MDM2: variants seen among roughly 807,000 people sequenced by gnomAD.
The protein encoded by MDM2 is MDM2 proto-oncogene.
MDM2 carries 11 observed loss-of-function variants against 64.3 expected under a neutral mutation model. The ratio of observed to expected loss-of-function variants is 0.17; its 90% CI spans 0.11 to 0.28. The LOEUF is 0.28. Ranked by LOEUF, MDM2 falls within the 10% of genes least tolerant of loss-of-function variation. MDM2 has a pLI of 1.00. For synonymous variants in MDM2, 194 were observed against 192.9 expected (o/e 1.01, Z -0.05); for missense variants, 388 against 577.1 (o/e 0.67, Z 3.36).
In MDM2 at chr12:68,839,646, A is replaced by T. The variant is rs1445090126; in HGVS notation, c.1291A>T (p.Ser431Cys). The change falls in exon 11 of 11, where the codon AGT becomes TGT. Residue 431 changes from serine (S) to cysteine (C), a missense_variant. This residue lies in a region of MDM2 where 138 missense variants were observed against 143.7 expected (regional missense o/e 0.96). Coordinates refer to ENST00000258149, the MANE Select transcript of MDM2 (RefSeq NM_002392.6). ...EREETQDKEE[S>C]VESSLPLNAI... The stretch of plus-strand genomic sequence containing the variant: ...GGAAGAAACCCAAGACAAAGAAGAG[A>T]GTGTGGAATCTAGTTTGCCCCTTAA... 2.5e-6 allele frequency: 4 copies of T among 1,613,808 alleles called. No homozygotes were observed. The highest frequency in any genetic ancestry group is 1.7e-5 in the Admixed American group (1 of 59,916).
At chr12:68,831,790 G>T (rs1033331763) in intron 8 of MDM2, among the ~76,000 whole-genome samples, 1 of 152,046 alleles carries the variant, frequency 6.6e-6, no homozygotes, top group South Asian at 2.1e-4. Context: ...AATCTCAGCC[G>T]GGCGTGGTGG....
In MDM2 at chr12:68,833,149, A is replaced by AATATATATAT. The variant is rs57734852; in HGVS notation, c.685-2671_685-2662dup. 8.9e-4 allele frequency among the ~76,000 whole-genome samples: 59 copies of AATATATATAT among 65,962 alleles called. 1 individual carries two copies. Among genetic ancestry groups the AATATATATAT allele is most frequent in the African/African-American group, 3.6e-3 (58 of 16,324 alleles). The allele number at this position is 65,962 out of a possible 152,430, so 43.3% of individuals were successfully genotyped here. On this transcript the variant is annotated intron_variant, in intron 8 of 10. Transcript: ENST00000258149. ...TCCAAAAAAAAAAAAAAAAAAAAAA[A>AATATATATAT]ATATATATATATATATATTTATATT...
rs55917837 is a variant in MDM2, at chr12:68,824,663, T to C, written c.523+12T>C. On this transcript the variant is annotated intron_variant, in intron 7 of 10. Coordinates refer to ENST00000258149, the MANE Select transcript of MDM2 (RefSeq NM_002392.6). ...AATTAGTGAGACAGGTATATATGAA[T>C]ATTTATTTGACGCATTCACACAGCT... The C allele has an allele frequency of 2.9e-5, 43 of 1,500,594 alleles. No homozygotes were observed. Among genetic ancestry groups the C allele is most frequent in the Non-Finnish European group, 4.0e-5 (43 of 1,087,056 alleles). The allele number at this position is 1,500,594 out of a possible 1,614,324, so 93.0% of individuals were successfully genotyped here.
chr12:68,834,773 G>A (rs1883173708), intron 8 of MDM2, among the ~76,000 whole-genome samples: 1 of 152,058 alleles, frequency 6.6e-6, no homozygotes, highest in South Asian at 2.1e-4. Flanking sequence ...GTTGTTTAAG[G>A]TTAAATTAGC....
rs556130361 is a variant in MDM2 at position 68,842,718 on chromosome 12, A to T, written c.*2869A>T. 5.1e-6 allele frequency: 1 copy of T among 196,634 alleles called. No individual in the cohort carries two copies. The highest frequency in any genetic ancestry group is 8.0e-5 in the East Asian group (1 of 12,430). 12.2% of individuals were successfully genotyped at this position (196,634 alleles called of 1,614,324 possible). ...ATATATAAAGTAAAATTTTCTTTGC[A>T]GTAAAATATGCCCTTTATTATAGAA... On this transcript the variant is annotated 3_prime_UTR_variant, in exon 11 of 11. Coordinates refer to ENST00000258149, the MANE Select transcript of MDM2 (RefSeq NM_002392.6).
intron 4 of MDM2, 99 bp downstream of exon 4, chr12:68,817,044 CAT>C (rs1324142431): frequency 5.0e-6 from 7 of 1,396,606 alleles, no homozygotes; most frequent in Non-Finnish European, 6.8e-6. Flanking sequence ...ACTGTTGAAA[CAT>C]ATTAAAGACA....
chr12:68,837,169 G>A (rs150085442), intron 10 of MDM2, among the ~76,000 whole-genome samples: 1 of 151,946 alleles, frequency 6.6e-6, no homozygotes, highest in East Asian at 1.9e-4. Context: ...GGCCAGGCTG[G>A]TCATGAACTC....
At position 68,843,475 on chromosome 12, in the gene MDM2, AAT is replaced by A. The variant is rs2136189054; in HGVS notation, c.*3630_*3631del. ...TATGTATTTAACATTTAAAATTTCT[AAT>A]ATAAGTATCTCTCAAACTGTGGATT... is the stretch of plus-strand genomic sequence containing the variant. On this transcript the variant is annotated 3_prime_UTR_variant, in exon 11 of 11. Coordinates refer to ENST00000258149, the MANE Select transcript of MDM2 (RefSeq NM_002392.6). The A allele has an allele frequency of 1.3e-5, 3 of 227,004 alleles. No individual in the cohort carries two copies. The highest frequency in any genetic ancestry group is 2.6e-5 in the Non-Finnish European group (3 of 114,540). 14.1% of individuals were successfully genotyped at this position (227,004 alleles called of 1,614,324 possible).
rs1565730659 is a variant in MDM2, at chr12:68,809,299, AT to A, written c.99+12del. 3.1e-6 allele frequency: 5 copies of A among 1,612,204 alleles called. No individual in the cohort carries two copies. Among genetic ancestry groups the A allele is most frequent in the Admixed American group, 3.3e-5 (2 of 59,880 alleles). On this transcript the variant is annotated splice_region_variant and intron_variant, in intron 2 of 10. Coordinates refer to ENST00000258149, the MANE Select transcript of MDM2 (RefSeq NM_002392.6). The stretch of plus-strand genomic sequence containing the variant: ...TTCGGAACAAGAGACCCTGGTTAGT[AT>A]TTTTGTCTCGTGTAACTTTTAAGAA...
downstream of MDM2, chr12:68,850,085 G>C (rs564607016): frequency 2.0e-5 from 3 of 152,212 alleles, no homozygotes; most frequent in East Asian, 5.8e-4. Context: ...AGGAATTCAA[G>C]ACCAACCTGG....
chr12:68,813,554 G>A lies in MDM2; in HGVS notation c.100G>A (p.Val34Ile), dbSNP rs1470334779. 2.5e-6 allele frequency: 4 copies of A among 1,611,460 alleles called. No homozygotes were observed. The highest frequency in any genetic ancestry group is 2.7e-5 in the African/African-American group (2 of 74,820). ...AATAGCAGTTCTTTTCTCTTTATAG[G>A]TTAGACCAAAGCCATTGCTTTTGAA... ...QIPASEQETLVRPKPLLLKLL... is the reference protein window; with the variant it reads ...QIPASEQETLIRPKPLLLKLL... The change falls in exon 3 of 11, where the codon GTT (valine) becomes ATT (isoleucine). Residue 34 changes from valine (V) to isoleucine (I), a missense_variant and splice_region_variant. Val to Ile is a conservative substitution (Grantham distance 29). Around this residue, in one of 5 missense-constraint regions of MDM2, gnomAD observed 46 missense variants for 45.2 expected, o/e 1.02. Coordinates refer to ENST00000258149, the MANE Select transcript of MDM2 (RefSeq NM_002392.6).
At chr12:68,836,485 C>T in intron 9 of MDM2, 187 bp from the exon 10 acceptor site, 4 of 476,140 alleles carry the variant, frequency 8.4e-6, no homozygotes, top group Admixed American at 3.6e-5. Context: ...TGACTTTTAC[C>T]ATTGTGGGTA....
At chr12:68,848,177 T>C (rs1365906541), downstream of MDM2, 2 of 152,046 alleles carry the variant, frequency 1.3e-5, no homozygotes, top group African/African-American at 4.8e-5. Context: ...ATCTCACTGA[T>C]TGTGATTTTT....
At chr12:68,848,343 T>G (rs1884472058), downstream of MDM2, 1 of 152,230 alleles carries the variant, frequency 6.6e-6, no homozygotes, top group Non-Finnish European at 1.5e-5. Context: ...TTTTTCATTT[T>G]TAGTGGAGAT....
Position 68,816,963 on chromosome 12 carries a change from T to C in MDM2, c.308+18T>C. On this transcript the variant is annotated intron_variant, in intron 4 of 10. Coordinates refer to ENST00000258149, the MANE Select transcript of MDM2 (RefSeq NM_002392.6). ...GAGCACAGGTAATTCTTCAGTTTAGTCCATTGTAAAAAGCCATCTGGGCTA... is the reference window on the plus strand; with the variant it reads ...GAGCACAGGTAATTCTTCAGTTTAGCCCATTGTAAAAAGCCATCTGGGCTA... 1 of 1,608,542 alleles carries C rather than the reference T, an allele frequency of 6.2e-7. No individual in the cohort carries two copies. The highest frequency in any genetic ancestry group is 1.1e-5 in the South Asian group (1 of 89,316).
chr12:68,846,115 C>G (rs1194288374), downstream of MDM2: 2 of 151,768 alleles, frequency 1.3e-5, no homozygotes, highest in Non-Finnish European at 2.9e-5. Context: ...CCACACCTGG[C>G]TAATTTTTTT....
chr12:68,821,686 C>T (rs916665129), intron 5 of MDM2, among the ~76,000 whole-genome samples: 1 of 152,064 alleles, frequency 6.6e-6, no homozygotes, highest in African/African-American at 2.4e-5. Context: ...TCATGCCATC[C>T]AGTCCAGGTG....
chr12:68,821,596 G>T (rs373920968), intron 5 of MDM2, among the ~76,000 whole-genome samples: 2 of 152,162 alleles, frequency 1.3e-5, no homozygotes, highest in East Asian at 1.9e-4. Context: ...AGTGGTGCAT[G>T]CCTGTAGTCC....
In MDM2 at chr12:68,837,893, GC is replaced by G. The variant is rs1883438276; in HGVS notation, c.918+1145del. Among the ~76,000 whole-genome samples, 3 of 151,814 alleles carry G rather than the reference GC, an allele frequency of 2.0e-5. No individual in the cohort carries two copies. The South Asian group carries it at 6.2e-4, about 31-fold the overall frequency. ...ATAGACAGTTACTAATTATTCAAGTGCAAAAAAGGATGAAAATTCAAGAGTT... is the reference window on the plus strand; with the variant it reads ...ATAGACAGTTACTAATTATTCAAGTGAAAAAAGGATGAAAATTCAAGAGTT... On this transcript the variant is annotated intron_variant, in intron 10 of 10. Coordinates refer to ENST00000258149, the MANE Select transcript of MDM2 (RefSeq NM_002392.6).
Sources: gnomAD v4.1 joint callset for allele counts (sites outside exome capture counted in the v4.1 genomes callset) on GRCh38, gnomAD v4.1.1 for gene constraint, gnomAD v4.1.1 regional missense constraint, MANE v1.5 for transcripts, NCBI Gene and HGNC (gene_info 2026-07-23, HGNC 2026-07-21) for gene names.